NELL1: variants seen among roughly 807,000 people sequenced by gnomAD.
NELL1 encodes neural EGFL like 1.
Under a neutral mutation model 107.4 loss-of-function variants are expected in NELL1, and 76 were observed. The observed-to-expected ratio is 0.71, with a 90% CI of 0.59 to 0.86. NELL1 has a LOEUF of 0.86. Ranked by LOEUF, NELL1 falls within the 40% of genes least tolerant of loss-of-function variation. NELL1 has a pLI of 0.00. For synonymous variants in NELL1, 353 were observed against 341.2 expected (o/e 1.03, Z -0.38); for missense variants, 1,024 against 1,005.5 (o/e 1.02, Z -0.25).
intron 13 of NELL1, among the ~76,000 whole-genome samples, chr11:21,140,984 A>G (rs564857673): frequency 6.8e-4 from 103 of 152,302 alleles, no homozygotes; most frequent in African/African-American, 2.4e-3. Context: ...GATTATTTTT[A>G]TAGACCCTGC....
At chr11:20,823,561 C>A (rs1345876610) in intron 3 of NELL1, among the ~76,000 whole-genome samples, 2 of 151,316 alleles carry the variant, frequency 1.3e-5, no homozygotes, top group African/African-American at 4.8e-5. Context: ...GAAGACATGG[C>A]TGAATATTTT....
chr11:20,839,305 T>C (rs1287083234), intron 3 of NELL1, among the ~76,000 whole-genome samples: 1 of 152,226 alleles, frequency 6.6e-6, no homozygotes, highest in Non-Finnish European at 1.5e-5. Context: ...CAAAGGCAGT[T>C]TGTAATTGCT....
chr11:21,302,157 C>G (rs1849505192), intron 14 of NELL1, among the ~76,000 whole-genome samples: 1 of 151,980 alleles, frequency 6.6e-6, no homozygotes, highest in South Asian at 2.1e-4. Context: ...CGTGGGTTGA[C>G]CAGGCTCAGC....
At chr11:20,907,632 A>T (rs1283616027) in intron 5 of NELL1, among the ~76,000 whole-genome samples, 2 of 152,170 alleles carry the variant, frequency 1.3e-5, no homozygotes, top group Non-Finnish European at 1.5e-5. Flanking sequence ...ACTCTTGTAT[A>T]TTGCTGGTGG....
At chr11:21,446,741 G>A (rs868091854) in intron 15 of NELL1, among the ~76,000 whole-genome samples, 2 of 152,114 alleles carry the variant, frequency 1.3e-5, no homozygotes, top group African/African-American at 4.8e-5. Flanking sequence ...ACAGCACTGG[G>A]TCTTGCCCAA....
intron 12 of NELL1, among the ~76,000 whole-genome samples, chr11:21,088,753 T>C (rs1043199117): frequency 5.9e-5 from 9 of 152,220 alleles, no homozygotes; most frequent in African/African-American, 1.9e-4. Flanking sequence ...TAGAGGGCAA[T>C]GTTCATACTC....
intron 14 of NELL1, among the ~76,000 whole-genome samples, chr11:21,352,628 G>A (rs539496238): frequency 3.9e-4 from 60 of 152,204 alleles, no homozygotes; most frequent in African/African-American, 1.4e-3. Context: ...AATAAATTGG[G>A]GATGGCCCTT....
chr11:21,494,676 T>A (rs1854929212), intron 15 of NELL1, among the ~76,000 whole-genome samples: 1 of 152,000 alleles, frequency 6.6e-6, no homozygotes, highest in African/African-American at 2.4e-5. Context: ...GACATGAGGA[T>A]GACATGTATC....
chr11:20,858,773 T>G (rs910742588), intron 4 of NELL1, among the ~76,000 whole-genome samples: 1 of 152,192 alleles, frequency 6.6e-6, no homozygotes, highest in Non-Finnish European at 1.5e-5. Context: ...TCCTTGGGTA[T>G]TTAATGTGTG....
At chr11:20,754,816 A>G (rs1191181745) in intron 2 of NELL1, among the ~76,000 whole-genome samples, 1 of 152,160 alleles carries the variant, frequency 6.6e-6, no homozygotes, top group Non-Finnish European at 1.5e-5. Flanking sequence ...ATTACAGTGA[A>G]TCTCATTTCT....
chr11:20,885,534 A>C lies in NELL1; in HGVS notation c.597A>C (p.Leu199Phe), dbSNP rs1849491949. The C allele has an allele frequency of 2.5e-6, 4 of 1,596,532 alleles. No individual in the cohort carries two copies. Among genetic ancestry groups the C allele is most frequent in the Non-Finnish European group, 3.4e-6 (4 of 1,164,110 alleles). The change falls in exon 5 of 20, where the codon TTA (leucine) becomes TTC (phenylalanine). Residue 199 changes from leucine (L) to phenylalanine (F), a missense_variant. By Grantham distance (22) the Leu-to-Phe change is conservative. Transcript: ENST00000357134. ...WLGQRNQKHGLFKGIIQDGKI... is the reference protein window; with the variant it reads ...WLGQRNQKHGFFKGIIQDGKI... ...GCCAGCGCAACCAAAAGCATGGCTTATTCAAAGTAAGCACTAACGTTCTTT... is the reference window on the plus strand; with the variant it reads ...GCCAGCGCAACCAAAAGCATGGCTTCTTCAAAGTAAGCACTAACGTTCTTT...
chr11:21,123,986 A>T (rs984104090), intron 13 of NELL1, among the ~76,000 whole-genome samples: 6 of 152,214 alleles, frequency 3.9e-5, no homozygotes, highest in Admixed American at 2.0e-4. Context: ...GTATGAATAC[A>T]TATGCACATA....
At chr11:21,011,978 T>C (rs1414127026) in intron 12 of NELL1, among the ~76,000 whole-genome samples, 1 of 152,158 alleles carries the variant, frequency 6.6e-6, no homozygotes, top group Non-Finnish European at 1.5e-5. Flanking sequence ...GAAAACTATT[T>C]TCTGTGCCCC....
Position 21,113,615 on chromosome 11 carries a change from C to T in NELL1, c.1327C>T (p.His443Tyr). ...EDIDECAAKM[H>Y]YCHANTVCVN... Reference sequence around the variant, plus strand: ...TATTGATGAGTGTGCAGCTAAGATGCATTACTGTCATGCCAATACTGTGTG... The same window carrying T: ...TATTGATGAGTGTGCAGCTAAGATGTATTACTGTCATGCCAATACTGTGTG... Residue 443 changes from histidine to tyrosine, a missense_variant, in exon 13 of 20, where the codon CAT becomes TAT. His to Tyr is a moderately conservative substitution (Grantham distance 83). Transcript: ENST00000357134. 6.2e-7 allele frequency: 1 copy of T among 1,611,836 alleles called. No homozygotes were observed. Among genetic ancestry groups the T allele is most frequent in the Non-Finnish European group, 8.5e-7 (1 of 1,178,504 alleles).
intron 3 of NELL1, among the ~76,000 whole-genome samples, chr11:20,814,967 C>G (rs952085800): frequency 1.3e-5 from 2 of 152,168 alleles, no homozygotes; most frequent in African/African-American, 4.8e-5. Context: ...ACCTTGCCAG[C>G]ATCTATTATT....
chr11:21,534,254 T>G, intron 15 of NELL1, 120 bp from the exon 16 acceptor site: 1 of 1,107,546 alleles, frequency 9.0e-7, no homozygotes, highest in Non-Finnish European at 1.3e-6. Context: ...TGACTTTCAT[T>G]GTAGGTGACT....
intron 1 of NELL1, chr11:20,674,551 C>T (rs1854003266): frequency 6.5e-7 from 1 of 1,533,768 alleles, no homozygotes. Flanking sequence ...GAAGTCTCTG[C>T]TTCAGCAATC....
At chr11:21,126,236 A>C (rs1302600344) in intron 13 of NELL1, among the ~76,000 whole-genome samples, 2 of 152,166 alleles carry the variant, frequency 1.3e-5, no homozygotes, top group Non-Finnish European at 2.9e-5. Flanking sequence ...GCTCTTTTGA[A>C]AATGTCTTTA....
At chr11:21,453,984 T>A (rs1322065334) in intron 15 of NELL1, among the ~76,000 whole-genome samples, 1 of 150,742 alleles carries the variant, frequency 6.6e-6, no homozygotes, top group Non-Finnish European at 1.5e-5. Context: ...TTGTGCAGGT[T>A]AGTTACATAT....
Sources: allele counts gnomAD v4.1 joint callset (sites outside exome capture counted in the v4.1 genomes callset), GRCh38; gene constraint gnomAD v4.1.1; transcripts MANE v1.5; gene names NCBI Gene and HGNC (gene_info 2026-07-23, HGNC 2026-07-21).